The following NWD2 variants were observed in gnomAD, a reference collection of about 807,000 sequenced individuals.
NWD2 encodes NACHT and WD repeat domain-containing protein 2.
In NWD2, 37 loss-of-function variants were observed where a neutral mutation model predicts 132.7. That is an observed-to-expected ratio of 0.28 (90% CI 0.21 to 0.37). The LOEUF (loss-of-function observed/expected upper bound fraction) is 0.37. Ranked by LOEUF, NWD2 falls within the 10% of genes least tolerant of loss-of-function variation. The pLI, the probability that NWD2 is intolerant of heterozygous loss-of-function variation, is 1.00. For synonymous variants in NWD2, 705 were observed against 803.0 expected, an observed-to-expected ratio of 0.88 and a Z score of 2.06; for missense variants, 1,592 against 2,122.4, an observed-to-expected ratio of 0.75 and a Z score of 4.91.
intron 2 of NWD2, among the ~76,000 whole-genome samples, chr4:37,328,716 T>A (rs1719226888): frequency 1.3e-5 from 2 of 152,314 alleles, no homozygotes; most frequent in Admixed American, 1.3e-4. Context: ...CATGTGCATG[T>A]GTCTTTATGG....
chr4:37,259,514 G>T (rs4832889), intron 1 of NWD2, among the ~76,000 whole-genome samples: 33,393 of 152,102 alleles, frequency 0.22, 4,074 homozygotes, highest in Middle Eastern at 0.31. Context: ...GGACATTCCT[G>T]CAGGGCCTGG....
chr4:37,433,863 T>C lies in NWD2; in HGVS notation c.562-13T>C, dbSNP rs1712242227. On this transcript the variant is annotated splice_polypyrimidine_tract_variant and intron_variant, in intron 4 of 6. Coordinates refer to ENST00000309447, the MANE Select transcript of NWD2 (RefSeq NM_001144990.2). ...GATTGTAAGACTAATTTCTCCCTTT[T>C]ACATTTCTATAGATGCAGCCTTCTA... 2 of 1,514,302 alleles carry C rather than the reference T, an allele frequency of 1.3e-6. No homozygotes were observed. Among genetic ancestry groups the C allele is most frequent in the East Asian group, 2.5e-5 (1 of 40,692 alleles). 93.8% of individuals were successfully genotyped at this position (1,514,302 alleles called of 1,614,324 possible).
chr4:37,375,058 G>A (rs1720317062), intron 3 of NWD2, among the ~76,000 whole-genome samples: 1 of 152,156 alleles, frequency 6.6e-6, no homozygotes, highest in African/African-American at 2.4e-5. Flanking sequence ...CCAAAACATG[G>A]GCAAGGTGGT....
At chr4:37,347,339 G>A (rs567696966) in intron 2 of NWD2, among the ~76,000 whole-genome samples, 1 of 152,192 alleles carries the variant, frequency 6.6e-6, no homozygotes, top group East Asian at 1.9e-4. Flanking sequence ...TTATAGTATT[G>A]TCAAGTCTTC....
intron 1 of NWD2, among the ~76,000 whole-genome samples, chr4:37,247,347 A>G (rs1717264745): frequency 6.6e-6 from 1 of 152,208 alleles, no homozygotes; most frequent in African/African-American, 2.4e-5. Flanking sequence ...GTATGATCCA[A>G]TATTAGATTC....
chr4:37,317,370 T>C (rs1349395440), intron 1 of NWD2, among the ~76,000 whole-genome samples: 1 of 152,226 alleles, frequency 6.6e-6, no homozygotes, highest in Non-Finnish European at 1.5e-5. Context: ...ATCTCCTTGT[T>C]ACATTTCGAT....
In NWD2 at chr4:37,374,119, A is replaced by G. The variant is rs1253634823; in HGVS notation, c.357+17637A>G. Among the ~76,000 whole-genome samples, 6 of 152,164 alleles carry G rather than the reference A, an allele frequency of 3.9e-5. No homozygotes were observed. In the East Asian group the frequency reaches 1.2e-3, roughly 29 times the overall value. ...GGAAGTGTTTGGGTCAGGGGAGCAG[A>G]TCCCTCATGAATGGCTTGGGGCTTT... On this transcript the variant is annotated intron_variant, in intron 3 of 6. Transcript: ENST00000309447.
chr4:37,374,331 CTTG>C (rs1415404507), intron 3 of NWD2, among the ~76,000 whole-genome samples: 1 of 152,184 alleles, frequency 6.6e-6, no homozygotes, highest in Non-Finnish European at 1.5e-5. Context: ...TGATGCCATG[CTTG>C]TTGTACAGCC....
chr4:37,356,344 C>T (rs552533875), intron 2 of NWD2, 22 bp from the exon 3 acceptor site: 10 of 1,298,684 alleles, frequency 7.7e-6, no homozygotes, highest in African/African-American at 1.5e-5. Flanking sequence ...TAAACTAATG[C>T]TCTTCATCCA....
In NWD2 at chr4:37,448,462, G is replaced by T. The variant is rs1045449768; in HGVS notation, c.*1245G>T. ...CATTTCAAAGCAGAAGCTGTGGAAT[G>T]GTATTAAATATTTTTTAAAATTAAT... is the stretch of plus-strand genomic sequence containing the variant. On this transcript the variant is annotated 3_prime_UTR_variant, in exon 7 of 7. Transcript: ENST00000309447. 2 of 152,094 alleles carry T rather than the reference G, an allele frequency of 1.3e-5. No homozygotes were observed. The highest frequency in any genetic ancestry group is 6.5e-5 in the Admixed American group (1 of 15,276). The allele number at this position is 152,094 out of a possible 1,614,324, so 9.4% of individuals were successfully genotyped here.
At chr4:37,268,090 C>T (rs1291783943) in intron 1 of NWD2, among the ~76,000 whole-genome samples, 5 of 151,908 alleles carry the variant, frequency 3.3e-5, no homozygotes, top group African/African-American at 1.2e-4. Context: ...AGCCCAGAAA[C>T]ATCAAACTAC....
chr4:37,245,338 C>T, intron 1 of NWD2, 120 bp downstream of exon 1: 1 of 1,192,766 alleles, frequency 8.4e-7, no homozygotes, highest in Non-Finnish European at 1.1e-6. Flanking sequence ...CCAGCTAAAG[C>T]CGTGGCCGCC....
chr4:37,375,935 A>G (rs1314148634), intron 3 of NWD2, among the ~76,000 whole-genome samples: 1 of 152,178 alleles, frequency 6.6e-6, no homozygotes, highest in African/African-American at 2.4e-5. Context: ...GTATTTTATC[A>G]TAAAGTATTT....
At chr4:37,267,520 T>C (rs1717779873) in intron 1 of NWD2, among the ~76,000 whole-genome samples, 1 of 151,584 alleles carries the variant, frequency 6.6e-6, no homozygotes, top group Non-Finnish European at 1.5e-5. Flanking sequence ...TGTGCCTCTT[T>C]AGCAAATGTA....
rs542815241 is a variant in NWD2, at chr4:37,250,549, G to T, written c.151+5331G>T. On this transcript the variant is annotated intron_variant, in intron 1 of 6. Transcript: ENST00000309447. The stretch of plus-strand genomic sequence containing the variant: ...GATTACATAAGCTAATAGATGTGAG[G>T]CACTTAGGACAGTGCTGGGCATGTA... 5.9e-5 allele frequency among the ~76,000 whole-genome samples: 9 copies of T among 152,268 alleles called. No homozygotes were observed. In the East Asian group the frequency reaches 1.7e-3, roughly 29 times the overall value.
At chr4:37,354,147 T>C (rs771531348) in intron 2 of NWD2, among the ~76,000 whole-genome samples, 1 of 152,204 alleles carries the variant, frequency 6.6e-6, no homozygotes, top group Non-Finnish European at 1.5e-5. Flanking sequence ...CTCCAGACTC[T>C]GTTTGCCTGG....
chr4:37,367,710 G>A (rs1420298711), intron 3 of NWD2, among the ~76,000 whole-genome samples: 4 of 152,262 alleles, frequency 2.6e-5, no homozygotes, highest in African/African-American at 9.6e-5. Context: ...TTTTCTGAAT[G>A]TGTAAAATAC....
At chr4:37,325,633 T>G (rs1383728365) in intron 1 of NWD2, among the ~76,000 whole-genome samples, 1 of 152,132 alleles carries the variant, frequency 6.6e-6, no homozygotes, top group Non-Finnish European at 1.5e-5. Context: ...TCATAACTGT[T>G]TAAGAGCTTA....
At position 37,445,218 on chromosome 4, in the gene NWD2, C is replaced by A. The variant is rs1254772317; in HGVS notation, c.3230C>A (p.Ala1077Asp). The A allele has an allele frequency of 1.2e-5, 19 of 1,551,782 alleles. No homozygotes were observed. The change falls in exon 7 of 7, where the codon GCC becomes GAC. Residue 1077 changes from alanine to aspartate, a missense_variant. Ala to Asp is a moderately radical substitution (Grantham distance 126). Coordinates refer to ENST00000309447, the MANE Select transcript of NWD2 (RefSeq NM_001144990.2). This position sits in a 1 kb window ranked among gnomAD's most constrained non-coding sequence, Gnocchi z 4.7. ...SANHALAWLE[A>D]SKDVTVIDLL... is the part of the protein sequence containing the mutation. ...AACCACGCCCTTGCATGGCTCGAAG[C>A]CAGCAAAGATGTCACTGTCATCGAT...
Sources: allele counts gnomAD v4.1 joint callset (sites outside exome capture counted in the v4.1 genomes callset), GRCh38; gene constraint gnomAD v4.1.1; non-coding constraint Gnocchi (gnomAD v3.1); transcripts MANE v1.5; gene names NCBI Gene and HGNC (gene_info 2026-07-23, HGNC 2026-07-21).